ZFHX3: variants seen among roughly 807,000 people sequenced by gnomAD.
The protein encoded by ZFHX3 is zinc finger homeobox 3, also known as zinc finger homeobox protein 3.
Under a neutral mutation model 279.1 loss-of-function variants are expected in ZFHX3, and 42 were observed. That is an observed-to-expected ratio of 0.15 (90% CI 0.12 to 0.19). The LOEUF (loss-of-function observed/expected upper bound fraction) is 0.19, where lower values mean the gene tolerates loss of function less well. ZFHX3 is among the 10% of genes least tolerant of loss of function. ZFHX3 has a pLI of 1.00. For synonymous variants in ZFHX3, 2,293 were observed against 1,957.8 expected (o/e 1.17, Z -4.52); for missense variants, 4,981 against 4,754.0 (o/e 1.05, Z -1.40).
chr16:73,188,141 A>G (rs1363811021), intron 5 of ZFHX3, among the ~76,000 whole-genome samples: 1 of 152,122 alleles, frequency 6.6e-6, no homozygotes, highest in East Asian at 1.9e-4. Context: ...GATTACAGGC[A>G]TGAGCCACTG....
At chr16:73,133,237 C>A (rs1021491904) in intron 6 of ZFHX3, among the ~76,000 whole-genome samples, 1 of 152,058 alleles carries the variant, frequency 6.6e-6, no homozygotes, top group Non-Finnish European at 1.5e-5. Flanking sequence ...AGAGGTAATT[C>A]GGGGCTGGGC....
chr16:73,210,699 C>T (rs2011980294), intron 5 of ZFHX3, among the ~76,000 whole-genome samples: 1 of 152,134 alleles, frequency 6.6e-6, no homozygotes, highest in African/African-American at 2.4e-5. Context: ...GTCAGCTCTG[C>T]AGAGGTGAGC....
intron 2 of ZFHX3, among the ~76,000 whole-genome samples, chr16:73,547,661 T>TA (rs1403164546): frequency 1.3e-5 from 2 of 152,168 alleles, no homozygotes; most frequent in African/African-American, 4.8e-5. Flanking sequence ...GTGCTCTTTC[T>TA]ATCTGAACAC....
chr16:73,521,417 G>T (rs1324586414), intron 2 of ZFHX3, among the ~76,000 whole-genome samples: 2 of 152,118 alleles, frequency 1.3e-5, no homozygotes, highest in East Asian at 3.9e-4. Flanking sequence ...TAGTCACTGT[G>T]CCACTAACTC....
At chr16:73,157,993 A>G (rs940919837) in intron 5 of ZFHX3, among the ~76,000 whole-genome samples, 12 of 152,092 alleles carry the variant, frequency 7.9e-5, no homozygotes, top group Non-Finnish European at 1.3e-4. Flanking sequence ...GCCAATGGAA[A>G]CCATGTTTGG....
chr16:73,691,729 C>T (rs2053151707), intron 1 of ZFHX3, among the ~76,000 whole-genome samples: 1 of 152,160 alleles, frequency 6.6e-6, no homozygotes, highest in Admixed American at 6.5e-5. Context: ...AATTTGAACC[C>T]AGACAATATG....
intron 5 of ZFHX3, among the ~76,000 whole-genome samples, chr16:73,248,271 T>C (rs150789757): frequency 6.6e-6 from 1 of 151,786 alleles, no homozygotes; most frequent in Non-Finnish European, 1.5e-5. Context: ...TGTGGAATGT[T>C]TGCATATGTG....
At chr16:73,699,544 C>T (rs1368445415) in intron 1 of ZFHX3, among the ~76,000 whole-genome samples, 7 of 152,126 alleles carry the variant, frequency 4.6e-5, no homozygotes, top group Admixed American at 4.6e-4. Flanking sequence ...CAATATCTAT[C>T]CAGGGAAAAC....
At chr16:72,800,960 A>C (rs563350118) in intron 7 of ZFHX3, among the ~76,000 whole-genome samples, 2 of 152,344 alleles carry the variant, frequency 1.3e-5, no homozygotes, top group South Asian at 2.1e-4. Flanking sequence ...AGAGCCTCAG[A>C]TATTTCTCTA....
Position 72,793,260 on chromosome 16 carries a change from TTGGA to T in ZFHX3, c.9418_9421del (p.Ser3140ThrfsTer4), listed in dbSNP as rs1267326799. 2 of 1,611,868 alleles carry T rather than the reference TTGGA, an allele frequency of 1.2e-6. No homozygotes were observed. The highest frequency in any genetic ancestry group is 1.7e-6 in the Non-Finnish European group (2 of 1,178,752). ...TCGCCTAGAGCAGAACCCACCTGTGTTGGATGGAGTAAAGCCTGGCAAGGAGGGG... is the reference window on the plus strand; with the variant it reads ...TCGCCTAGAGCAGAACCCACCTGTGTTGGAGTAAAGCCTGGCAAGGAGGGG... On this transcript the variant is annotated frameshift_variant, in exon 9 of 10. Transcript: ENST00000268489. LOFTEE classifies it high-confidence loss of function. This position sits in a 1 kb window ranked among gnomAD's most constrained non-coding sequence, Gnocchi z 4.3.
chr16:73,348,746 T>A (rs1380981044), intron 3 of ZFHX3, among the ~76,000 whole-genome samples: 2 of 152,196 alleles, frequency 1.3e-5, no homozygotes, highest in Admixed American at 1.3e-4. Context: ...GGACCCACAT[T>A]CCCGGTTAAA....
Position 72,958,839 on chromosome 16 carries a change from G to C in ZFHX3, c.1307C>G (p.Ser436Cys). 1.2e-6 allele frequency: 2 copies of C among 1,614,008 alleles called. No homozygotes were observed. Among genetic ancestry groups the C allele is most frequent in the East Asian group, 4.5e-5 (2 of 44,844 alleles). Residue 436 changes from serine to cysteine, a missense_variant, in exon 2 of 10, where the codon TCT becomes TGT. Ser to Cys is a moderately radical substitution (Grantham distance 112). This residue lies in a region of ZFHX3 where 1,068 missense variants were observed against 935.2 expected (regional missense o/e 1.14). Transcript: ENST00000268489. ...CTGCTTCTCTCCTTCTGCCGCCCCA[G>C]AGTCCTTGCCCTCTGAGGATTTGGT... ...SPTKSSEGKD[S>C]GAAEGEKQEV...
intron 1 of ZFHX3, among the ~76,000 whole-genome samples, chr16:73,745,198 C>T (rs2053693146): frequency 6.6e-6 from 1 of 152,088 alleles, no homozygotes; most frequent in Non-Finnish European, 1.5e-5. Context: ...TTTGAGAGAC[C>T]TTTTTCCTTC....
At position 73,058,696 on chromosome 16, in the gene ZFHX3, TGGCGGCGGC is replaced by T. The variant is rs552488803; in HGVS notation, c.-199_-191del. ...TCGGCGGCGGCGGAGGACGCGCTGCTGGCGGCGGCGGCGGCGGCGGCGGCGGCGGCGGAG... is the reference window on the plus strand; with the variant it reads ...TCGGCGGCGGCGGAGGACGCGCTGCTGGCGGCGGCGGCGGCGGCGGCGGAG... On this transcript the variant is annotated 5_prime_UTR_variant, in exon 1 of 9. Coordinates refer to the ZFHX3 transcript ENST00000397992. 3.9e-3 allele frequency: 662 copies of T among 169,952 alleles called. 5 individuals carry two copies. The highest frequency in any genetic ancestry group is 0.016 in the African/African-American group (540 of 32,910). 10.5% of individuals were successfully genotyped at this position (169,952 alleles called of 1,614,324 possible). A position where few individuals can be genotyped will look rare whatever the true frequency, so the allele number is the denominator to read the frequency against.
At chr16:73,345,022 C>T in intron 3 of ZFHX3, among the ~76,000 whole-genome samples, 1 of 152,054 alleles carries the variant, frequency 6.6e-6, no homozygotes, top group Admixed American at 6.6e-5. Flanking sequence ...GCCCTGTATC[C>T]CTTGTCCTGT....
At chr16:73,730,269 C>A (rs2142248175) in intron 1 of ZFHX3, among the ~76,000 whole-genome samples, 1 of 146,438 alleles carries the variant, frequency 6.8e-6, no homozygotes, top group Non-Finnish European at 1.5e-5. Context: ...GACAGTGGCA[C>A]TCATCCATGG....
intron 2 of ZFHX3, among the ~76,000 whole-genome samples, chr16:73,654,386 T>C (rs932648391): frequency 1.3e-5 from 2 of 152,122 alleles, no homozygotes; most frequent in Admixed American, 1.3e-4. Context: ...AGTTCTATTA[T>C]ACATTCAAGA....
rs2012051565 is a variant in ZFHX3, at chr16:73,212,345, G to A, written c.-1104+44702C>T. On this transcript the variant is annotated intron_variant, in intron 5 of 17. Coordinates refer to the ZFHX3 transcript ENST00000641206. ...CTGTTTGTCACTTGATTTTTTAAAT[G>A]TATATTATGAACATATTTCCATGTC... Among the ~76,000 whole-genome samples the A allele has an allele frequency of 2.6e-5, 4 of 152,198 alleles. 1 individual carries two copies. Among genetic ancestry groups the A allele is most frequent in the South Asian group, 2.1e-4 (1 of 4,820 alleles).
chr16:73,053,217 G>C (rs1965480968), intron 1 of ZFHX3, among the ~76,000 whole-genome samples: 1 of 151,760 alleles, frequency 6.6e-6, no homozygotes, highest in African/African-American at 2.4e-5. Context: ...TCCAATTGTA[G>C]ATCACATGGA....
Sources: allele counts gnomAD v4.1 joint callset (sites outside exome capture counted in the v4.1 genomes callset), GRCh38; gene constraint gnomAD v4.1.1; regional missense constraint gnomAD v4.1.1; non-coding constraint Gnocchi (gnomAD v3.1); transcripts MANE v1.5; gene names NCBI Gene and HGNC (gene_info 2026-07-23, HGNC 2026-07-21).